The following KLHL12 variants were observed in gnomAD, a reference collection of about 807,000 sequenced individuals.
KLHL12 encodes kelch like family member 12.
A neutral mutation model predicts 60.8 loss-of-function variants in KLHL12; 17 were observed. The observed-to-expected ratio is 0.28, with a 90% confidence interval of 0.19 to 0.42. KLHL12 has a LOEUF of 0.42. Among genes scored for constraint, KLHL12 ranks in the 10% least tolerant of loss-of-function variants. KLHL12 has a pLI of 1.00. For synonymous variants in KLHL12, 220 were observed against 250.9 expected, an observed-to-expected ratio of 0.88 and a Z score of 1.16; for missense variants, 468 against 722.3, an observed-to-expected ratio of 0.65 and a Z score of 4.04.
intron 6 of KLHL12, among the ~76,000 whole-genome samples, chr1:202,901,607 G>T (rs1660009840): frequency 6.6e-6 from 1 of 151,982 alleles, no homozygotes; most frequent in Non-Finnish European, 1.5e-5. Context: ...AGCCACTCAG[G>T]GGTTTTATGG....
rs1659687580 is a variant in KLHL12, at chr1:202,891,934, A to G, written c.*599T>C. On this transcript the variant is annotated 3_prime_UTR_variant, in exon 12 of 12. Transcript: ENST00000367261. Reference sequence around the variant, plus strand: ...ACTTAATTCTAACTTCAATTCTGATATACAAATCCTGACCTCCAAAAGAAG... The same window carrying G: ...ACTTAATTCTAACTTCAATTCTGATGTACAAATCCTGACCTCCAAAAGAAG... 6.6e-6 allele frequency: 1 copy of G among 152,208 alleles called. No individual in the cohort carries two copies. The highest frequency in any genetic ancestry group is 2.4e-5 in the African/African-American group (1 of 41,446). 9.4% of individuals were successfully genotyped at this position (152,208 alleles called of 1,614,324 possible).
chr1:202,912,146 G>A, intron 4 of KLHL12: 1 of 866,032 alleles, frequency 1.2e-6, no homozygotes, highest in South Asian at 1.3e-5. Flanking sequence ...TTTGTTGGCA[G>A]CATTAAAGAA....
rs772519697 is a variant in KLHL12 at position 202,925,207 on chromosome 1, A to G, written c.-45T>C. On this transcript the variant is annotated splice_region_variant and 5_prime_UTR_variant, in exon 2 of 12. Transcript: ENST00000367261. The stretch of plus-strand genomic sequence containing the variant: ...ACAAAATGGGTCCTTGGATTCTGCA[A>G]CTACAAGAGGGAAAAAAAAACAATG... 6.2e-7 allele frequency: 1 copy of G among 1,608,080 alleles called. No individual in the cohort carries two copies. Among genetic ancestry groups the G allele is most frequent in the South Asian group, 1.1e-5 (1 of 89,776 alleles).
rs1215835687 is a variant in KLHL12 at position 202,918,208 on chromosome 1, C to G, written c.530G>C (p.Gly177Ala). ...GCACTTGATTAGCTTTTCCACCTCT[C>G]CTTGACTCAGAAGAATGAACTCTTC... ...QHEEFILLSQ[G>A]EVEKLIKCDE... The change falls in exon 4 of 12, where the codon GGA becomes GCA. Residue 177 changes from glycine to alanine, a missense_variant. By Grantham distance (60) the Gly-to-Ala change is moderately conservative (BLOSUM62 0). Coordinates refer to ENST00000367261, the MANE Select transcript of KLHL12 (RefSeq NM_021633.4). 6.2e-7 allele frequency: 1 copy of G among 1,614,012 alleles called. No homozygotes were observed. The highest frequency in any genetic ancestry group is 8.5e-7 in the Non-Finnish European group (1 of 1,180,004).
rs1030811917 is a variant in KLHL12 at position 202,894,205 on chromosome 1, G to C, written c.1372C>G (p.Pro458Ala). 51 of 1,554,886 alleles carry C rather than the reference G, an allele frequency of 3.3e-5. No individual in the cohort carries two copies. Among genetic ancestry groups the C allele is most frequent in the Non-Finnish European group, 3.9e-5 (45 of 1,147,622 alleles). The change falls in exon 10 of 12, where the codon CCA (proline) becomes GCA (alanine). Residue 458 changes from proline to alanine, a missense_variant. Around this residue, in one of 4 missense-constraint regions of KLHL12, gnomAD observed 339 missense variants for 525.0 expected, o/e 0.65. Transcript: ENST00000367261. ...TTACCAGAACGCTTGGTGGCCATTG[G>C]TGTAACATTAGTCCAATGTCCTGTA... is the stretch of plus-strand genomic sequence containing the variant. The part of the protein sequence containing the change: ...PHTGHWTNVT[P>A]MATKRSGAGV...
chr1:202,925,110 G>T lies in KLHL12; in HGVS notation c.53C>A (p.Ser18Tyr). 1 of 1,614,076 alleles carries T rather than the reference G, an allele frequency of 6.2e-7. No individual in the cohort carries two copies. Among genetic ancestry groups the T allele is most frequent in the Non-Finnish European group, 8.5e-7 (1 of 1,180,006 alleles). Residue 18 changes from serine to tyrosine, a missense_variant, in exon 2 of 12, where the codon TCC (serine) becomes TAC (tyrosine). Ser to Tyr is a moderately radical substitution (Grantham distance 144). Coordinates refer to ENST00000367261, the MANE Select transcript of KLHL12 (RefSeq NM_021633.4). ...GAGGGAGTTCATTGAATTGAGGATGGATTTAGCATGAGTATTTGTCATTAT... is the reference window on the plus strand; with the variant it reads ...GAGGGAGTTCATTGAATTGAGGATGTATTTAGCATGAGTATTTGTCATTAT... ...KDIMTNTHAK[S>Y]ILNSMNSLRK...
intron 6 of KLHL12, among the ~76,000 whole-genome samples, chr1:202,904,746 G>T (rs980023146): frequency 6.6e-6 from 1 of 152,162 alleles, no homozygotes; most frequent in African/African-American, 2.4e-5. Context: ...GCTGTGACAC[G>T]TTGTTAGAGA....
chr1:202,909,252 G>A lies in KLHL12; in HGVS notation c.718-128C>T. The A allele has an allele frequency of 1.7e-6, 1 of 573,812 alleles. No homozygotes were observed. The highest frequency in any genetic ancestry group is 2.9e-5 in the East Asian group (1 of 33,904). The allele number at this position is 573,812 out of a possible 1,614,324, so 35.5% of individuals were successfully genotyped here. A position where few individuals can be genotyped will look rare whatever the true frequency, so the allele number is the denominator to read the frequency against. ...AGTTTGCAAAGCCCTGTGATTCCAGGAGTATTGCTGGTAGTAACCATGCTC... is the reference window on the plus strand; with the variant it reads ...AGTTTGCAAAGCCCTGTGATTCCAGAAGTATTGCTGGTAGTAACCATGCTC... On this transcript the variant is annotated intron_variant, in intron 5 of 11. Coordinates refer to ENST00000367261, the MANE Select transcript of KLHL12 (RefSeq NM_021633.4). The surrounding 1 kb of genome is among the most constrained non-coding windows in gnomAD (Gnocchi z 4.1).
At chr1:202,927,456 G>A (rs1220456753), upstream of KLHL12, among the ~76,000 whole-genome samples, 1 of 139,784 alleles carries the variant, frequency 7.2e-6, no homozygotes. Flanking sequence ...GCCGAGGCGA[G>A]CGAATTACCT....
At position 202,909,644 on chromosome 1, in the gene KLHL12, C is replaced by G. The variant is rs1029534216; in HGVS notation, c.718-520G>C. 6.6e-6 allele frequency among the ~76,000 whole-genome samples: 1 copy of G among 152,128 alleles called. No homozygotes were observed. The highest frequency in any genetic ancestry group is 1.5e-5 in the Non-Finnish European group (1 of 68,020). On this transcript the variant is annotated intron_variant, in intron 5 of 11. Transcript: ENST00000367261. This position sits in a 1 kb window ranked among gnomAD's most constrained non-coding sequence, Gnocchi z 4.1. ...ATTTGCCTCCCAACTCACTCTGTAC[C>G]TTTTTCCACTCTGCTCTCTGGCTCA...
intron 7 of KLHL12, 88 bp downstream of exon 7, chr1:202,896,766 A>G (rs116804728): frequency 3.6e-5 from 35 of 981,622 alleles, no homozygotes; most frequent in Admixed American, 8.8e-5. Context: ...AGGCTTTTCT[A>G]CTCTTAAGGC....
chr1:202,909,461 A>G lies in KLHL12; in HGVS notation c.718-337T>C, dbSNP rs576184688. ...GGGATTATGCAAACACAAGTACATAATAACTAATAAGAATTTTAAGGGGAA... is the reference window on the plus strand; with the variant it reads ...GGGATTATGCAAACACAAGTACATAGTAACTAATAAGAATTTTAAGGGGAA... On this transcript the variant is annotated intron_variant, in intron 5 of 11. Transcript: ENST00000367261. The surrounding 1 kb of genome is among the most constrained non-coding windows in gnomAD (Gnocchi z 4.1). Among the ~76,000 whole-genome samples the G allele has an allele frequency of 1.8e-4, 28 of 152,210 alleles. No individual in the cohort carries two copies. In the South Asian group the frequency reaches 5.4e-3, roughly 29 times the overall value.
intron 6 of KLHL12, among the ~76,000 whole-genome samples, chr1:202,900,372 C>T (rs1659970232): frequency 6.6e-6 from 1 of 151,356 alleles, no homozygotes; most frequent in Non-Finnish European, 1.5e-5. Flanking sequence ...GGTGAGACTC[C>T]CATATCTAGA....
At chr1:202,905,968 CTTTTTTTTTTT>C (rs71142574) in intron 6 of KLHL12, among the ~76,000 whole-genome samples, 10 of 51,672 alleles carry the variant, frequency 1.9e-4, no homozygotes, top group Admixed American at 6.3e-4. Context: ...CCACACCTGG[CTTTTTTTTTTT>C]TTTTTTTTTT....
Position 202,911,121 on chromosome 1 carries a change from T to G in KLHL12, c.650A>C (p.Asn217Thr), listed in dbSNP as rs1316357948. ...GGGCATCCGCACATACTGTAGCAGG[T>G]TAGGCAAGGATTCTTCCCGCTCTTT... ...AKKEREESLP[N>T]LLQYVRMPLL... The change falls in exon 5 of 12, where the codon AAC becomes ACC. Residue 217 changes from asparagine to threonine, a missense_variant. Asn to Thr is a moderately conservative substitution (Grantham distance 65). This residue lies in a region of KLHL12 where 339 missense variants were observed against 525.0 expected (regional missense o/e 0.65). Coordinates refer to ENST00000367261, the MANE Select transcript of KLHL12 (RefSeq NM_021633.4). The G allele has an allele frequency of 1.9e-6, 3 of 1,614,158 alleles. No homozygotes were observed. The Middle Eastern group carries it at 4.9e-4, about 266-fold the overall frequency.
Position 202,893,556 on chromosome 1 carries a change from G to T in KLHL12, c.1394-131C>A. 2.9e-6 allele frequency: 2 copies of T among 687,788 alleles called. No individual in the cohort carries two copies. The highest frequency in any genetic ancestry group is 4.8e-6 in the Non-Finnish European group (2 of 414,216). The allele number at this position is 687,788 out of a possible 1,614,324, so 42.6% of individuals were successfully genotyped here. A position where few individuals can be genotyped will look rare whatever the true frequency, so the allele number is the denominator to read the frequency against. Reference sequence around the variant, plus strand: ...AGGGATATGGAATGGGCCCACACGGGCCTAGAATAATCTAGTCCAGCACAA... The same window carrying T: ...AGGGATATGGAATGGGCCCACACGGTCCTAGAATAATCTAGTCCAGCACAA... On this transcript the variant is annotated intron_variant, in intron 10 of 11. Transcript: ENST00000367261. This position sits in a 1 kb window ranked among gnomAD's most constrained non-coding sequence, Gnocchi z 4.1.
intron 6 of KLHL12, among the ~76,000 whole-genome samples, chr1:202,900,230 A>G (rs1374020325): frequency 1.4e-5 from 2 of 143,912 alleles, no homozygotes; most frequent in African/African-American, 2.6e-5. Flanking sequence ...CCACCCCCCA[A>G]CCCCCCAAAA....
chr1:202,927,295 T>G (rs1021527475), upstream of KLHL12: 21 of 979,672 alleles, frequency 2.1e-5, no homozygotes, highest in East Asian at 9.2e-4. Flanking sequence ...CTCCCCCCGC[T>G]CCAGAGTCTG....
chr1:202,909,141 A>T lies in KLHL12; in HGVS notation c.718-17T>A. 7.8e-6 allele frequency: 12 copies of T among 1,528,820 alleles called. No individual in the cohort carries two copies. Among genetic ancestry groups the T allele is most frequent in the Non-Finnish European group, 1.0e-5 (11 of 1,102,760 alleles). 94.7% of individuals were successfully genotyped at this position (1,528,820 alleles called of 1,614,324 possible). A position where few individuals can be genotyped will look rare whatever the true frequency, so the allele number is the denominator to read the frequency against. ...GATGAAAGGCTGAAATATAGCAGAC[A>T]GCAGAGTTAGGCACTGGGGATACCT... On this transcript the variant is annotated splice_polypyrimidine_tract_variant and intron_variant, in intron 5 of 11. Transcript: ENST00000367261. This position sits in a 1 kb window ranked among gnomAD's most constrained non-coding sequence, Gnocchi z 4.1.
Sources: gnomAD v4.1 joint callset for allele counts (sites outside exome capture counted in the v4.1 genomes callset) on GRCh38, gnomAD v4.1.1 for gene constraint, gnomAD v4.1.1 regional missense constraint, Gnocchi (gnomAD v3.1) non-coding constraint, MANE v1.5 for transcripts, NCBI Gene and HGNC (gene_info 2026-07-23, HGNC 2026-07-21) for gene names.